The following TBC1D32 variants were observed in gnomAD, a reference collection of about 807,000 sequenced individuals.
TBC1D32 encodes TBC1 domain family member 32, also known as protein broad-minded.
A neutral mutation model predicts 170.3 loss-of-function variants in TBC1D32; 151 were observed. That is an observed-to-expected ratio of 0.89 (90% CI 0.78 to 1.01). TBC1D32 has a LOEUF of 1.01. Among genes scored for constraint, TBC1D32 ranks in the 50% least tolerant of loss-of-function variants. TBC1D32 has a pLI of 0.00. For missense variants in TBC1D32, 1,464 were observed against 1,457.1 expected, an observed-to-expected ratio of 1.00 and a Z score of -0.08; for synonymous variants, 498 against 488.0, an observed-to-expected ratio of 1.02 and a Z score of -0.27.
intron 20 of TBC1D32, among the ~76,000 whole-genome samples, chr6:121,237,871 T>C (rs895657506): frequency 3.9e-5 from 6 of 152,134 alleles, no homozygotes; most frequent in African/African-American, 1.4e-4. Context: ...CATTTCCATT[T>C]TCCTTCATAT....
At chr6:121,196,896 C>T (rs1447212582) in intron 22 of TBC1D32, among the ~76,000 whole-genome samples, 1 of 152,166 alleles carries the variant, frequency 6.6e-6, no homozygotes, top group East Asian at 1.9e-4. Context: ...GGTAGCACCA[C>T]TCACCATCAC....
intron 22 of TBC1D32, among the ~76,000 whole-genome samples, chr6:121,181,502 C>A (rs942367626): frequency 6.6e-6 from 1 of 152,108 alleles, no homozygotes; most frequent in Non-Finnish European, 1.5e-5. Flanking sequence ...CCTTCTTGTA[C>A]AGCCTGCAGA....
chr6:121,233,724 C>G (rs965733809), intron 20 of TBC1D32, among the ~76,000 whole-genome samples: 1 of 152,052 alleles, frequency 6.6e-6, no homozygotes, highest in Admixed American at 6.6e-5. Flanking sequence ...AGTATTGAGA[C>G]GTGAGGTACT....
intron 20 of TBC1D32, among the ~76,000 whole-genome samples, chr6:121,227,181 C>G (rs1795178793): frequency 6.6e-6 from 1 of 152,154 alleles, no homozygotes. Flanking sequence ...CAAGCTTGTT[C>G]TAAAGTCTCT....
intron 3 of TBC1D32, among the ~76,000 whole-genome samples, chr6:121,312,624 C>T (rs555394668): frequency 6.6e-6 from 1 of 152,268 alleles, no homozygotes; most frequent in East Asian, 1.9e-4. Flanking sequence ...AAGGAACCAG[C>T]TTGGTAATTC....
At chr6:121,105,761 G>T (rs774888447) in intron 30 of TBC1D32, among the ~76,000 whole-genome samples, 3 of 151,954 alleles carry the variant, frequency 2.0e-5, no homozygotes, top group Non-Finnish European at 4.4e-5. Flanking sequence ...TACAAAGCAA[G>T]TATTACCATC....
At chr6:121,184,043 A>T (rs1788871553) in intron 22 of TBC1D32, among the ~76,000 whole-genome samples, 5 of 152,102 alleles carry the variant, frequency 3.3e-5, no homozygotes, top group Admixed American at 3.3e-4. Context: ...AAAAGACATC[A>T]TCAATATAAA....
chr6:121,255,927 C>A (rs1253009932), intron 16 of TBC1D32, among the ~76,000 whole-genome samples, 157 bp downstream of exon 16: 1 of 152,076 alleles, frequency 6.6e-6, no homozygotes, highest in Non-Finnish European at 1.5e-5. Flanking sequence ...TCATCCTGTG[C>A]CAAATTAAGA....
intron 24 of TBC1D32, among the ~76,000 whole-genome samples, chr6:121,138,217 C>A (rs978141989): frequency 1.3e-5 from 2 of 152,020 alleles, no homozygotes; most frequent in African/African-American, 4.8e-5. Flanking sequence ...TTTGTGTGAA[C>A]AACTGTGGAT....
rs150949368 is a variant in TBC1D32, at chr6:121,265,298, C to G, written c.1734-9013G>C. Among the ~76,000 whole-genome samples the G allele has an allele frequency of 2.4e-3, 360 of 152,178 alleles. 2 individuals are homozygous for G. Among genetic ancestry groups the G allele is most frequent in the African/African-American group, 8.4e-3 (350 of 41,524 alleles). ...GACAGAGAGCCAAATCATGAATGAA[C>G]TCCCATTCACAATTGCTACAAAAAG... On this transcript the variant is annotated intron_variant, in intron 15 of 31. Coordinates refer to ENST00000398212, the MANE Select transcript of TBC1D32 (RefSeq NM_152730.6).
At chr6:121,201,832 A>G (rs1048599583) in intron 22 of TBC1D32, among the ~76,000 whole-genome samples, 3 of 151,324 alleles carry the variant, frequency 2.0e-5, no homozygotes, top group African/African-American at 7.4e-5. Flanking sequence ...GAATTTCATT[A>G]TATTTAATTT....
At position 121,121,414 on chromosome 6, in the gene TBC1D32, G is replaced by A. The variant is rs115072336; in HGVS notation, c.2983+4964C>T. ...ACATATTTGAATGATGGTTTCTTCA[G>A]CAAAAGAAGAAATCATATCACCCTT... On this transcript the variant is annotated intron_variant, in intron 26 of 31. Coordinates refer to ENST00000398212, the MANE Select transcript of TBC1D32 (RefSeq NM_152730.6). Among the ~76,000 whole-genome samples, 271 of 152,086 alleles carry A rather than the reference G, an allele frequency of 1.8e-3. 3 individuals are homozygous for A. The highest frequency in any genetic ancestry group is 6.0e-3 in the African/African-American group (248 of 41,544).
At chr6:121,264,436 TA>T (rs1232773069) in intron 15 of TBC1D32, among the ~76,000 whole-genome samples, 1 of 151,880 alleles carries the variant, frequency 6.6e-6, no homozygotes, top group East Asian at 1.9e-4. Context: ...GCCTAGCAAC[TA>T]AAAAAAGCCA....
intron 24 of TBC1D32, among the ~76,000 whole-genome samples, chr6:121,156,590 C>A (rs1784917352): frequency 6.6e-6 from 1 of 151,254 alleles, no homozygotes; most frequent in Non-Finnish European, 1.5e-5. Flanking sequence ...TTTCCATTTC[C>A]TCTAGGTATG....
chr6:121,303,896 T>C, intron 8 of TBC1D32, 135 bp from the exon 9 acceptor site: 4 of 522,754 alleles, frequency 7.7e-6, no homozygotes, highest in South Asian at 7.9e-5. Context: ...GTAGGATTCA[T>C]ACTCAATGTT....
chr6:121,242,894 T>A (rs1797169228), intron 17 of TBC1D32, among the ~76,000 whole-genome samples: 1 of 152,072 alleles, frequency 6.6e-6, no homozygotes, highest in Admixed American at 6.6e-5. Context: ...AGACTGGGAA[T>A]TATGGATGTT....
At chr6:121,330,540 G>A (rs1186553999) in intron 1 of TBC1D32, among the ~76,000 whole-genome samples, 1 of 152,018 alleles carries the variant, frequency 6.6e-6, no homozygotes, top group African/African-American at 2.4e-5. Context: ...AGAATTGGTA[G>A]GTACTTTTAA....
At chr6:121,147,971 T>G (rs1402558354) in intron 24 of TBC1D32, among the ~76,000 whole-genome samples, 1 of 151,650 alleles carries the variant, frequency 6.6e-6, no homozygotes, top group Admixed American at 6.6e-5. Context: ...CATTTTTTAA[T>G]TGGAATATTT....
intron 15 of TBC1D32, among the ~76,000 whole-genome samples, chr6:121,267,274 T>G (rs117372851): frequency 0.033 from 4,973 of 152,116 alleles, 194 homozygotes; most frequent in East Asian, 0.12. Context: ...GGGCTTGTCG[T>G]ACACTGGGTG....
Sources: gnomAD v4.1 joint callset for allele counts (sites outside exome capture counted in the v4.1 genomes callset) on GRCh38, gnomAD v4.1.1 for gene constraint, MANE v1.5 for transcripts, NCBI Gene and HGNC (gene_info 2026-07-23, HGNC 2026-07-21) for gene names.